Variants in PRSS48 observed in about 807,000 individuals in gnomAD.
PRSS48 encodes the protein epidermis-specific serine protease-like protein.
A neutral mutation model predicts 25.6 loss-of-function variants in PRSS48; 21 were observed. That is an observed-to-expected ratio of 0.82 (90% CI 0.58 to 1.18). The LOEUF (loss-of-function observed/expected upper bound fraction) is 1.18, where lower values mean the gene tolerates loss of function less well. Among genes scored for constraint, PRSS48 ranks in the 50% most tolerant of loss-of-function variants. The pLI is 0.00. For missense variants in PRSS48, 373 were observed against 399.3 expected, an observed-to-expected ratio of 0.93 and a Z score of 0.56; for synonymous variants, 150 against 149.3, an observed-to-expected ratio of 1.00 and a Z score of -0.04.
chr4:151,277,359 T>C, intron 1 of PRSS48, 135 bp downstream of exon 1: 2 of 541,876 alleles, frequency 3.7e-6, no homozygotes. Context: ...CCTGAGAGGC[T>C]ACTATATACC....
chr4:151,281,987 GA>G (rs1212147149), intron 2 of PRSS48, among the ~76,000 whole-genome samples, 160 bp from the exon 3 acceptor site: 1 of 152,050 alleles, frequency 6.6e-6, no homozygotes, highest in Non-Finnish European at 1.5e-5. Context: ...AGAAAGAGAG[GA>G]AAGAAGGAGA....
At chr4:151,284,472 GTATAT>G (rs1486958981) in intron 4 of PRSS48, among the ~76,000 whole-genome samples, 2 of 152,064 alleles carry the variant, frequency 1.3e-5, no homozygotes, top group African/African-American at 4.8e-5. Flanking sequence ...TTTTCTAGCT[GTATAT>G]TATAAATATT....
exon 3 of PRSS48, chr4:151,282,389 T>A: frequency 6.2e-7 from 1 of 1,613,752 alleles, no homozygotes; most frequent in Non-Finnish European, 8.5e-7. Context: ...GGTGACCGGA[T>A]GGGGAAAAGT....
At chr4:151,279,914 C>T (rs771195894) in exon 2 of PRSS48, 4 of 1,613,640 alleles carry the variant, frequency 2.5e-6, no homozygotes, top group South Asian at 2.2e-5. Flanking sequence ...GAGGTTCCCT[C>T]GTCAGTGAGA....
At chr4:151,282,262 T>C in exon 3 of PRSS48, 1 of 1,613,936 alleles carries the variant, frequency 6.2e-7, no homozygotes, top group Non-Finnish European at 8.5e-7. Flanking sequence ...AGTACCAAGA[T>C]ACAACGGCAG....
At chr4:151,283,318 A>G in intron 4 of PRSS48, 32 bp downstream of exon 4, 1 of 1,602,796 alleles carries the variant, frequency 6.2e-7, no homozygotes, top group Middle Eastern at 1.7e-4. Context: ...TTTTTTTTTA[A>G]ACATGAGATC....
intron 3 of PRSS48, 22 bp from the exon 4 acceptor site, chr4:151,283,095 T>C: frequency 1.9e-6 from 3 of 1,611,882 alleles, no homozygotes; most frequent in Non-Finnish European, 2.5e-6. Flanking sequence ...CTTTAATCTT[T>C]TGTTCCTGTC....
chr4:151,279,658 C>A (rs1773993187), intron 1 of PRSS48, 138 bp from the exon 2 acceptor site: 1 of 736,702 alleles, frequency 1.4e-6, no homozygotes. Context: ...GGGTGTGGAA[C>A]CAGAATAGGA....
intron 4 of PRSS48, among the ~76,000 whole-genome samples, chr4:151,285,585 A>G (rs1392580251): frequency 3.9e-5 from 6 of 152,218 alleles, no homozygotes; most frequent in Non-Finnish European, 5.9e-5. Flanking sequence ...AGAAATTTAT[A>G]TCTGTAAATG....
At chr4:151,282,087 T>C (rs998459055) in intron 2 of PRSS48, 61 bp from the exon 3 acceptor site, 10 of 1,568,130 alleles carry the variant, frequency 6.4e-6, no homozygotes, top group African/African-American at 1.4e-5. Context: ...GTGCTACATA[T>C]AGGCAGCCTG....
Position 151,283,172 on chromosome 4 carries a change from G to C in PRSS48, c.537G>C (p.Gln179His), listed in dbSNP as rs757312488. Residue 179 changes from glutamine (Q) to histidine (H), a missense_variant, in exon 4 of 5, where the codon CAG becomes CAC. Coordinates refer to ENST00000455694, the Ensembl canonical transcript of PRSS48. Reference sequence around the variant, plus strand: ...CAGAAGTACCCATTATTGACCGCCAGGCTTGTGAACAGCTCTACAATCCCA... The same window carrying C: ...CAGAAGTACCCATTATTGACCGCCACGCTTGTGAACAGCTCTACAATCCCA... 30 of 1,613,750 alleles carry C rather than the reference G, an allele frequency of 1.9e-5. No homozygotes were observed. In the South Asian group the frequency reaches 3.1e-4, roughly 17 times the overall value.
At chr4:151,290,678 A>G (rs968411745) in intron 4 of PRSS48, among the ~76,000 whole-genome samples, 1 of 152,220 alleles carries the variant, frequency 6.6e-6, no homozygotes, top group Admixed American at 6.5e-5. Context: ...TGTGAATTAT[A>G]TGACAGTAAA....
At chr4:151,286,908 A>C (rs1774844587) in intron 4 of PRSS48, among the ~76,000 whole-genome samples, 1 of 151,738 alleles carries the variant, frequency 6.6e-6, no homozygotes, top group South Asian at 2.1e-4. Context: ...TGAATCTGGG[A>C]GGTAGAGGTT....
chr4:151,286,335 GA>G (rs200039550), intron 4 of PRSS48, among the ~76,000 whole-genome samples: 1,623 of 145,320 alleles, frequency 0.011, 31 homozygotes, highest in African/African-American at 0.038. Context: ...CAATAAAATT[GA>G]AAAAAAACTT....
rs780261773 is a variant in PRSS48, at chr4:151,277,225, G to A, written c.52+1G>A. 6.6e-7 allele frequency: 1 copy of A among 1,508,582 alleles called. No homozygotes were observed. Among genetic ancestry groups the A allele is most frequent in the Non-Finnish European group, 9.0e-7 (1 of 1,116,614 alleles). 93.4% of individuals were successfully genotyped at this position (1,508,582 alleles called of 1,614,324 possible). On this transcript the variant is annotated splice_donor_variant, in intron 1 of 4. Transcript: ENST00000455694. LOFTEE classifies it high-confidence loss of function. Reference sequence around the variant, plus strand: ...CTGCTCCTTCTGCTGGGGATCTCAGGTGAGCGCCAGGGTGGGGTTGAGAAG... The same window carrying A: ...CTGCTCCTTCTGCTGGGGATCTCAGATGAGCGCCAGGGTGGGGTTGAGAAG...
intron 4 of PRSS48, among the ~76,000 whole-genome samples, chr4:151,285,475 G>A (rs1774655944): frequency 6.6e-6 from 1 of 152,120 alleles, no homozygotes; most frequent in Admixed American, 6.6e-5. Flanking sequence ...CAAATATGTG[G>A]AAAGTAACAC....
At chr4:151,279,755 A>G (rs765583682) in intron 1 of PRSS48, 41 bp from the exon 2 acceptor site, 2 of 1,593,112 alleles carry the variant, frequency 1.3e-6, no homozygotes, top group Non-Finnish European at 1.7e-6. Flanking sequence ...GAGAAACAGG[A>G]CTCCTAGGTT....
At chr4:151,279,822 C>A (rs776335390) in exon 2 of PRSS48, 1 of 1,613,820 alleles carries the variant, frequency 6.2e-7, no homozygotes, top group Non-Finnish European at 8.5e-7. Flanking sequence ...ATACTCCAGC[C>A]GCGTTGTAGG....
intron 4 of PRSS48, among the ~76,000 whole-genome samples, chr4:151,289,327 T>A (rs2150017067): frequency 6.6e-6 from 1 of 152,292 alleles, no homozygotes; most frequent in Non-Finnish European, 1.5e-5. Flanking sequence ...TTAGGCAACA[T>A]TTTCTTAGAT....
Sources: gnomAD v4.1 joint callset for allele counts (sites outside exome capture counted in the v4.1 genomes callset) on GRCh38, gnomAD v4.1.1 for gene constraint, MANE v1.5 for transcripts, NCBI Gene and HGNC (gene_info 2026-07-23, HGNC 2026-07-21) for gene names.